The following TLX2 variants were observed in gnomAD, a reference collection of about 807,000 sequenced individuals.
TLX2 encodes the protein T-cell leukemia homeobox protein 2.
Under a neutral mutation model 21.7 loss-of-function variants are expected in TLX2, and 15 were observed. That is an observed-to-expected ratio of 0.69 (90% CI 0.46 to 1.07). The LOEUF is 1.07. TLX2 is among the 50% of genes least tolerant of loss of function. The probability of loss-of-function intolerance (pLI) is 0.00; values close to 1 mark genes in which losing one functional copy is unlikely to be tolerated. For synonymous variants in TLX2, 213 were observed against 193.1 expected (o/e 1.10, Z -0.85); for missense variants, 384 against 409.1 (o/e 0.94, Z 0.53).
Position 74,515,626 on chromosome 2 carries a change from C to T in TLX2, c.401-7C>T, listed in dbSNP as rs781252129. Reference sequence around the variant, plus strand: ...AATCCTGCCCTGGTCTTTCTTCCTCCCGGTAGCTGCGCTCTCGCCCTTCTC... The same window carrying T: ...AATCCTGCCCTGGTCTTTCTTCCTCTCGGTAGCTGCGCTCTCGCCCTTCTC... On this transcript the variant is annotated splice_region_variant and splice_polypyrimidine_tract_variant and intron_variant, in intron 1 of 2. Coordinates refer to ENST00000233638, the MANE Select transcript of TLX2 (RefSeq NM_016170.5). This position sits in a 1 kb window ranked among gnomAD's most constrained non-coding sequence, Gnocchi z 6.6. The T allele has an allele frequency of 6.9e-6, 11 of 1,603,898 alleles. No individual in the cohort carries two copies. Among genetic ancestry groups the T allele is most frequent in the Non-Finnish European group, 8.5e-6 (10 of 1,173,086 alleles).
In TLX2 at chr2:74,516,381, CT is replaced by C; in HGVS notation, c.*195del. ...GATGCACGGCCAGCTCAGAGGCGGC[CT>C]TTCCCGCCATTTTTCACTTCACTGC... On this transcript the variant is annotated 3_prime_UTR_variant, in exon 3 of 3. Transcript: ENST00000233638. The C allele has an allele frequency of 6.8e-7, 1 of 1,472,342 alleles. No individual in the cohort carries two copies. The highest frequency in any genetic ancestry group is 8.9e-7 in the Non-Finnish European group (1 of 1,117,330). The allele number at this position is 1,472,342 out of a possible 1,614,324, so 91.2% of individuals were successfully genotyped here. A position where few individuals can be genotyped will look rare whatever the true frequency, so the allele number is the denominator to read the frequency against.
At position 74,516,011 on chromosome 2, in the gene TLX2, G is replaced by A; in HGVS notation, c.677G>A (p.Arg226His). ...TAEEREAERHRAGRLLLHLQQ... is the reference protein window; with the variant it reads ...TAEEREAERHHAGRLLLHLQQ... The stretch of plus-strand genomic sequence containing the variant: ...GAGGAGCGCGAGGCCGAGCGGCACC[G>A]CGCGGGCCGGCTGCTCCTGCATCTG... Residue 226 changes from arginine (R) to histidine (H), a missense_variant, in exon 3 of 3, where the codon CGC (arginine) becomes CAC (histidine). By Grantham distance (29) the Arg-to-His change is conservative (BLOSUM62 0). Transcript: ENST00000233638. 1 of 1,521,418 alleles carries A rather than the reference G, an allele frequency of 6.6e-7. No individual in the cohort carries two copies. The highest frequency in any genetic ancestry group is 8.8e-7 in the Non-Finnish European group (1 of 1,142,802). 94.2% of individuals were successfully genotyped at this position (1,521,418 alleles called of 1,614,324 possible). A position where few individuals can be genotyped will look rare whatever the true frequency, so the allele number is the denominator to read the frequency against.
In TLX2 at chr2:74,515,681, A is replaced by C; in HGVS notation, c.449A>C (p.Gln150Pro). The C allele has an allele frequency of 6.2e-7, 1 of 1,613,726 alleles. No homozygotes were observed. The highest frequency in any genetic ancestry group is 1.3e-5 in the African/African-American group (1 of 75,048). Residue 150 changes from glutamine to proline, a missense_variant, in exon 2 of 3, where the codon CAA (glutamine) becomes CCA (proline). Coordinates refer to ENST00000233638, the MANE Select transcript of TLX2 (RefSeq NM_016170.5). The surrounding 1 kb of genome is among the most constrained non-coding windows in gnomAD (Gnocchi z 6.6). Reference protein sequence around the residue: ...SGTRRIGHPYQNRTPPKRKKP... With the variant: ...SGTRRIGHPYPNRTPPKRKKP... ...ACGCGCCGCATAGGCCACCCCTACC[A>C]AAACCGGACCCCTCCGAAGCGGAAG...
chr2:74,515,097 G>A lies in TLX2; in HGVS notation c.291G>A (p.Gly97=), dbSNP rs778761561. The A allele has an allele frequency of 1.2e-4, 179 of 1,526,634 alleles. No individual in the cohort carries two copies. Among genetic ancestry groups the A allele is most frequent in the Non-Finnish European group, 1.5e-4 (175 of 1,139,468 alleles). 94.6% of individuals were successfully genotyped at this position (1,526,634 alleles called of 1,614,324 possible). ...TGCCTGTGCCGCCGCCCGCTGGGGGGGCGCCTGCAGTGCCTGGGCCCTCGG... is the reference window on the plus strand; with the variant it reads ...TGCCTGTGCCGCCGCCCGCTGGGGGAGCGCCTGCAGTGCCTGGGCCCTCGG... ...RPLPVPPPAG[G]APAVPGPSGL... is the part of the protein sequence containing the mutation. The change falls in exon 1 of 3, where the codon GGG becomes GGA. Residue 97 remains glycine (G), a synonymous_variant. Transcript: ENST00000233638. This position sits in a 1 kb window ranked among gnomAD's most constrained non-coding sequence, Gnocchi z 6.6.
Position 74,514,977 on chromosome 2 carries a change from C to T in TLX2, c.171C>T (p.Ala57=). 6.4e-7 allele frequency: 1 copy of T among 1,563,490 alleles called. No homozygotes were observed. Among genetic ancestry groups the T allele is most frequent in the East Asian group, 2.5e-5 (1 of 40,680 alleles). The part of the protein sequence containing the change: ...NGAFSGGYHG[A]SGYGPAGSLA... ...CGTTCTCGGGTGGATACCACGGAGC[C>T]TCGGGCTACGGTCCCGCCGGCTCAC... Residue 57 remains alanine (A), a synonymous_variant, in exon 1 of 3, where the codon GCC becomes GCT. Transcript: ENST00000233638. The surrounding 1 kb of genome is among the most constrained non-coding windows in gnomAD (Gnocchi z 5.0).
In TLX2 at chr2:74,515,666, T is replaced by C; in HGVS notation, c.434T>C (p.Ile145Thr). The change falls in exon 2 of 3, where the codon ATA becomes ACA. Residue 145 changes from isoleucine (I) to threonine (T), a missense_variant. By Grantham distance (89) the Ile-to-Thr change is moderately conservative. Coordinates refer to ENST00000233638, the MANE Select transcript of TLX2 (RefSeq NM_016170.5). This position sits in a 1 kb window ranked among gnomAD's most constrained non-coding sequence, Gnocchi z 6.6. The stretch of plus-strand genomic sequence containing the variant: ...TCGCCCTTCTCTGGGACGCGCCGCA[T>C]AGGCCACCCCTACCAAAACCGGACC... ...ALSPFSGTRR[I>T]GHPYQNRTPP... 6.2e-7 allele frequency: 1 copy of C among 1,613,214 alleles called. No individual in the cohort carries two copies. The highest frequency in any genetic ancestry group is 1.3e-5 in the African/African-American group (1 of 75,040).
In TLX2 at chr2:74,516,586, G is replaced by A. The variant is rs1185462571; in HGVS notation, c.*397G>A. On this transcript the variant is annotated 3_prime_UTR_variant, in exon 3 of 3. Transcript: ENST00000233638. The stretch of plus-strand genomic sequence containing the variant: ...GAGGGGCTCTAGCGGCGTTGCGCGC[G>A]GTGCCGGCTGGGTCTGTACCAAAGG... The A allele has an allele frequency of 1.8e-6, 2 of 1,096,778 alleles. No homozygotes were observed. Among genetic ancestry groups the A allele is most frequent in the Non-Finnish European group, 2.3e-6 (2 of 872,882 alleles). The allele number at this position is 1,096,778 out of a possible 1,614,324, so 67.9% of individuals were successfully genotyped here.
chr2:74,516,586 G>C lies in TLX2; in HGVS notation c.*397G>C, dbSNP rs1185462571. ...GAGGGGCTCTAGCGGCGTTGCGCGCGGTGCCGGCTGGGTCTGTACCAAAGG... is the reference window on the plus strand; with the variant it reads ...GAGGGGCTCTAGCGGCGTTGCGCGCCGTGCCGGCTGGGTCTGTACCAAAGG... On this transcript the variant is annotated 3_prime_UTR_variant, in exon 3 of 3. Transcript: ENST00000233638. 2 of 1,096,660 alleles carry C rather than the reference G, an allele frequency of 1.8e-6. No individual in the cohort carries two copies. Among genetic ancestry groups the C allele is most frequent in the Non-Finnish European group, 2.3e-6 (2 of 872,890 alleles). The allele number at this position is 1,096,660 out of a possible 1,614,324, so 67.9% of individuals were successfully genotyped here.
Position 74,515,971 on chromosome 2 carries a change from A to T in TLX2, c.639-2A>T. 1 of 1,470,244 alleles carries T rather than the reference A, an allele frequency of 6.8e-7. No individual in the cohort carries two copies. Among genetic ancestry groups the T allele is most frequent in the South Asian group, 1.4e-5 (1 of 70,512 alleles). 91.1% of individuals were successfully genotyped at this position (1,470,244 alleles called of 1,614,324 possible). A position where few individuals can be genotyped will look rare whatever the true frequency, so the allele number is the denominator to read the frequency against. ...CGCTGACCCCGCGTCTCCCTCCCTT[A>T]GGCGCCAGACGGCGGAGGAGCGCGA... On this transcript the variant is annotated splice_acceptor_variant, in intron 2 of 2. Coordinates refer to ENST00000233638, the MANE Select transcript of TLX2 (RefSeq NM_016170.5). LOFTEE classifies it high-confidence loss of function. The surrounding 1 kb of genome is among the most constrained non-coding windows in gnomAD (Gnocchi z 6.6).
chr2:74,516,513 C>G lies in TLX2; in HGVS notation c.*324C>G, dbSNP rs867586698. 2.4e-6 allele frequency: 3 copies of G among 1,228,218 alleles called. No individual in the cohort carries two copies. The highest frequency in any genetic ancestry group is 3.2e-5 in the African/African-American group (2 of 62,034). 76.1% of individuals were successfully genotyped at this position (1,228,218 alleles called of 1,614,324 possible). ...CGGGCTGGCCAATGGGAGCTGCTTT[C>G]CTGAGGGACTCGAAATTCTCCGGCG... On this transcript the variant is annotated 3_prime_UTR_variant, in exon 3 of 3. Coordinates refer to ENST00000233638, the MANE Select transcript of TLX2 (RefSeq NM_016170.5).
chr2:74,514,786 G>T lies in TLX2; in HGVS notation c.-21G>T, dbSNP rs766748199. The stretch of plus-strand genomic sequence containing the variant: ...CCTCCCCAACCACCGAACCTCCGGC[G>T]GTTCTCCTCGGCCCAGACCGATGGA... On this transcript the variant is annotated 5_prime_UTR_variant, in exon 1 of 3. Transcript: ENST00000233638. This position sits in a 1 kb window ranked among gnomAD's most constrained non-coding sequence, Gnocchi z 5.0. 5 of 1,611,886 alleles carry T rather than the reference G, an allele frequency of 3.1e-6. No individual in the cohort carries two copies. Among genetic ancestry groups the T allele is most frequent in the South Asian group, 1.1e-5 (1 of 91,022 alleles).
chr2:74,515,937 C>T lies in TLX2; in HGVS notation c.639-36C>T. On this transcript the variant is annotated intron_variant, in intron 2 of 2. Coordinates refer to ENST00000233638, the MANE Select transcript of TLX2 (RefSeq NM_016170.5). The surrounding 1 kb of genome is among the most constrained non-coding windows in gnomAD (Gnocchi z 6.6). ...CAGGGCCTGGTGAGAAGCGACGCGG[C>T]GGGCGCCCCGCTGACCCCGCGTCTC... The T allele has an allele frequency of 6.7e-7, 1 of 1,492,458 alleles. No homozygotes were observed. The highest frequency in any genetic ancestry group is 8.9e-7 in the Non-Finnish European group (1 of 1,128,684). 92.5% of individuals were successfully genotyped at this position (1,492,458 alleles called of 1,614,324 possible).
rs1169119007 is a variant in TLX2, at chr2:74,514,890, C to T, written c.84C>T (p.Pro28=). ...GCATCGATCAGATCCTGAGCGGCCCCGAAACCCCAGGGGGCGGTCTAGGCC... is the reference window on the plus strand; with the variant it reads ...GCATCGATCAGATCCTGAGCGGCCCTGAAACCCCAGGGGGCGGTCTAGGCC... ...SFGIDQILSG[P]ETPGGGLGLG... is the part of the protein sequence containing the mutation. Residue 28 remains proline, a synonymous_variant, in exon 1 of 3, where the codon CCC becomes CCT. Transcript: ENST00000233638. The surrounding 1 kb of genome is among the most constrained non-coding windows in gnomAD (Gnocchi z 5.0). The T allele has an allele frequency of 1.2e-6, 2 of 1,612,354 alleles. No homozygotes were observed.
In TLX2 at chr2:74,516,277, C is replaced by A; in HGVS notation, c.*88C>A. The A allele has an allele frequency of 2.0e-6, 3 of 1,535,612 alleles. No homozygotes were observed. Among genetic ancestry groups the A allele is most frequent in the East Asian group, 2.5e-5 (1 of 40,750 alleles). The stretch of plus-strand genomic sequence containing the variant: ...CGTCCATGGTCTAGTGGCAGCCGGG[C>A]GCGTGAGGAGCGGCAGGCCTTGAGG... On this transcript the variant is annotated 3_prime_UTR_variant, in exon 3 of 3. Transcript: ENST00000233638.
rs778284376 is a variant in TLX2, at chr2:74,515,934, C to T, written c.639-39C>T. On this transcript the variant is annotated intron_variant, in intron 2 of 2. Coordinates refer to ENST00000233638, the MANE Select transcript of TLX2 (RefSeq NM_016170.5). This position sits in a 1 kb window ranked among gnomAD's most constrained non-coding sequence, Gnocchi z 6.6. ...GAGCAGGGCCTGGTGAGAAGCGACG[C>T]GGCGGGCGCCCCGCTGACCCCGCGT... The T allele has an allele frequency of 2.0e-6, 3 of 1,498,536 alleles. No homozygotes were observed. The highest frequency in any genetic ancestry group is 2.7e-6 in the Non-Finnish European group (3 of 1,131,426). The allele number at this position is 1,498,536 out of a possible 1,614,324, so 92.8% of individuals were successfully genotyped here.
rs1674880533 is a variant in TLX2 at position 74,516,169 on chromosome 2, G to A, written c.835G>A (p.Gly279Arg). 1.2e-6 allele frequency: 2 copies of A among 1,610,206 alleles called. No individual in the cohort carries two copies. The highest frequency in any genetic ancestry group is 1.7e-6 in the Non-Finnish European group (2 of 1,178,880). The change falls in exon 3 of 3, where the codon GGG (glycine) becomes AGG (arginine). Residue 279 changes from glycine to arginine, a missense_variant. By Grantham distance (125) the Gly-to-Arg change is moderately radical (BLOSUM62 -2). Coordinates refer to ENST00000233638, the MANE Select transcript of TLX2 (RefSeq NM_016170.5). ...GGACAACAAAGTGGCTTCAGTGTCC[G>A]GGCTCGCCTCGGTGGTGTGAGCGAC... Reference protein sequence around the residue: ...AEDNKVASVSGLASVV With the variant: ...AEDNKVASVSRLASVV
chr2:74,516,424 GAACC>G lies in TLX2; in HGVS notation c.*236_*239del. 1 of 1,409,252 alleles carries G rather than the reference GAACC, an allele frequency of 7.1e-7. No individual in the cohort carries two copies. Among genetic ancestry groups the G allele is most frequent in the Non-Finnish European group, 9.3e-7 (1 of 1,079,982 alleles). 87.3% of individuals were successfully genotyped at this position (1,409,252 alleles called of 1,614,324 possible). The stretch of plus-strand genomic sequence containing the variant: ...CTTCACTGCCGTTACGCCCTCGCTG[GAACC>G]TGAGGCGCCGAGAGGGCGGGACCTG... On this transcript the variant is annotated 3_prime_UTR_variant, in exon 3 of 3. Transcript: ENST00000233638.
Position 74,515,732 on chromosome 2 carries a change from C to T in TLX2, c.500C>T (p.Ser167Leu). Residue 167 changes from serine to leucine, a missense_variant, in exon 2 of 3, where the codon TCA (serine) becomes TTA (leucine). Ser to Leu is a moderately radical substitution (Grantham distance 145, BLOSUM62 -2). Coordinates refer to ENST00000233638, the MANE Select transcript of TLX2 (RefSeq NM_016170.5). The surrounding 1 kb of genome is among the most constrained non-coding windows in gnomAD (Gnocchi z 6.6). ...AAGCCGCGCACGTCCTTCTCCCGCT[C>T]ACAGGTGCTGGAGTTGGAGCGGCGC... ...RKKPRTSFSR[S>L]QVLELERRFL... 1 of 1,613,630 alleles carries T rather than the reference C, an allele frequency of 6.2e-7. No individual in the cohort carries two copies. The highest frequency in any genetic ancestry group is 8.5e-7 in the Non-Finnish European group (1 of 1,179,976).
In TLX2 at chr2:74,514,630, C is replaced by T. The variant is rs1479279197; in HGVS notation, c.-177C>T. ...CGCCCGGCAGCGGCTGGCACGGGCG[C>T]GGCTGCTCCGGGTGCACAGGGATGC... is the stretch of plus-strand genomic sequence containing the variant. On this transcript the variant is annotated 5_prime_UTR_variant, in exon 1 of 3. Transcript: ENST00000233638. The surrounding 1 kb of genome is among the most constrained non-coding windows in gnomAD (Gnocchi z 5.0). 4 of 1,427,584 alleles carry T rather than the reference C, an allele frequency of 2.8e-6. No homozygotes were observed. The highest frequency in any genetic ancestry group is 2.7e-6 in the Non-Finnish European group (3 of 1,097,796). The allele number at this position is 1,427,584 out of a possible 1,614,324, so 88.4% of individuals were successfully genotyped here.
Sources: gnomAD v4.1 joint callset for allele counts on GRCh38, gnomAD v4.1.1 for gene constraint, Gnocchi (gnomAD v3.1) non-coding constraint, MANE v1.5 for transcripts, NCBI Gene and HGNC (gene_info 2026-07-23, HGNC 2026-07-21) for gene names.